The following MMP26 variants were observed in gnomAD, a reference collection of about 807,000 sequenced individuals.
The protein encoded by MMP26 is matrix metallopeptidase 26.
MMP26 carries 33 observed loss-of-function variants against 31.0 expected under a neutral mutation model. The ratio of observed to expected loss-of-function variants is 1.06; its 90% CI spans 0.81 to 1.42. The LOEUF (loss-of-function observed/expected upper bound fraction) is 1.42. Ranked by LOEUF, MMP26 falls within the 40% of genes most tolerant of loss-of-function variation. The pLI, the probability that MMP26 is intolerant of heterozygous loss-of-function variation, is 0.00. For missense variants in MMP26, 347 were observed against 316.1 expected (o/e 1.10, Z -0.74); for synonymous variants, 122 against 114.9 (o/e 1.06, Z -0.40).
intron 2 of MMP26, among the ~76,000 whole-genome samples, chr11:4,826,947 A>G (rs943536101): frequency 6.6e-6 from 1 of 152,042 alleles, no homozygotes; most frequent in African/African-American, 2.4e-5. Context: ...CTGAAAGTCT[A>G]CCTCATGAAT....
intron 2 of MMP26, among the ~76,000 whole-genome samples, chr11:4,771,979 G>A (rs536258409): frequency 7.2e-5 from 11 of 152,270 alleles, no homozygotes; most frequent in African/African-American, 1.7e-4. Flanking sequence ...CCAGCTTTAC[G>A]TGGAAAGAGG....
At chr11:4,985,144 G>A (rs546051171) in intron 2 of MMP26, among the ~76,000 whole-genome samples, 37 of 150,574 alleles carry the variant, frequency 2.5e-4, no homozygotes, top group Middle Eastern at 3.4e-3. Context: ...TAAGCAGCAT[G>A]CCTCATTTAA....
At chr11:4,940,127 T>C (rs536759245) in intron 2 of MMP26, among the ~76,000 whole-genome samples, 5 of 152,036 alleles carry the variant, frequency 3.3e-5, no homozygotes, top group Non-Finnish European at 7.4e-5. Context: ...TTTTGATTAA[T>C]GATCTATATA....
At chr11:4,803,622 A>G (rs766173061) in intron 2 of MMP26, 8 of 1,613,896 alleles carry the variant, frequency 5.0e-6, no homozygotes, top group Admixed American at 1.7e-5. Context: ...GGATATAAAG[A>G]GCCAAGATGA....
At chr11:4,726,974 C>T (rs1356239426) in intron 1 of MMP26, among the ~76,000 whole-genome samples, 2 of 152,104 alleles carry the variant, frequency 1.3e-5, no homozygotes, top group South Asian at 2.1e-4. Context: ...TATGATTATG[C>T]CATTGCACTC....
chr11:4,803,565 G>T (rs1849213686), intron 2 of MMP26: 1 of 1,613,848 alleles, frequency 6.2e-7, no homozygotes, highest in African/African-American at 1.3e-5. Flanking sequence ...GTACAACTCG[G>T]GGCACATCAT....
chr11:4,735,559 CAG>C (rs1848228895), intron 1 of MMP26, among the ~76,000 whole-genome samples: 1 of 152,130 alleles, frequency 6.6e-6, no homozygotes, highest in African/African-American at 2.4e-5. Flanking sequence ...CTCCTGTTGC[CAG>C]TATCTATATA....
chr11:4,908,758 A>G (rs1368831), intron 2 of MMP26: 19,845 of 163,530 alleles, frequency 0.12, 1,844 homozygotes, highest in East Asian at 0.56. Flanking sequence ...GATATTTTGG[A>G]TAAAATAAGT....
At chr11:4,915,491 C>G (rs60718970) in intron 2 of MMP26, 2 of 1,613,880 alleles carry the variant, frequency 1.2e-6, no homozygotes, top group African/African-American at 2.7e-5. Flanking sequence ...ATGAAGTGAG[C>G]GCTCTGTTTT....
intron 2 of MMP26, chr11:4,943,392 G>T: frequency 2.4e-6 from 1 of 416,392 alleles, no homozygotes; most frequent in South Asian, 1.8e-5. Context: ...TCTGGTATCA[G>T]ATTGCCCCTA....
At chr11:4,857,504 T>G (rs941108491) in intron 2 of MMP26, among the ~76,000 whole-genome samples, 2 of 151,844 alleles carry the variant, frequency 1.3e-5, no homozygotes, top group East Asian at 3.9e-4. Flanking sequence ...GGACACATAC[T>G]CTCTCCCAAG....
intron 2 of MMP26, chr11:4,947,269 TGG>T: frequency 2.6e-6 from 1 of 381,166 alleles, no homozygotes; most frequent in South Asian, 2.9e-5. Context: ...GAGAGATGGT[TGG>T]TTGCTGCTTT....
intron 2 of MMP26, chr11:4,769,927 GT>G: frequency 6.7e-7 from 1 of 1,481,490 alleles, no homozygotes; most frequent in Non-Finnish European, 9.4e-7. Flanking sequence ...TGGTGTCCTG[GT>G]TTTGCAGCAT....
At chr11:4,743,567 T>C (rs1848341661) in intron 1 of MMP26, among the ~76,000 whole-genome samples, 1 of 152,158 alleles carries the variant, frequency 6.6e-6, no homozygotes, top group Non-Finnish European at 1.5e-5. Flanking sequence ...GAAATTAATG[T>C]CTATTATTAC....
intron 2 of MMP26, chr11:4,848,036 C>T (rs1474392610): frequency 1.8e-6 from 1 of 571,210 alleles, no homozygotes; most frequent in Non-Finnish European, 3.1e-6. Context: ...TGTAATGTAC[C>T]AGTGGGTGGA....
intron 2 of MMP26, chr11:4,821,816 T>A (rs780796149): frequency 6.2e-7 from 1 of 1,611,462 alleles, no homozygotes; most frequent in Admixed American, 1.7e-5. Flanking sequence ...TGTTACCCAC[T>A]GAGATACACT....
intron 2 of MMP26, among the ~76,000 whole-genome samples, chr11:4,828,122 G>T (rs990097671): frequency 6.6e-6 from 1 of 152,090 alleles, no homozygotes; most frequent in Non-Finnish European, 1.5e-5. Context: ...ACATTTTTCT[G>T]AATGTGAAAA....
intron 2 of MMP26, chr11:4,913,889 A>G (rs1851030877): frequency 6.6e-6 from 1 of 152,148 alleles, no homozygotes; most frequent in African/African-American, 2.4e-5. Flanking sequence ...TTACTGTGTC[A>G]ACTCAGGGAA....
At chr11:4,987,434 T>G (rs1846919038) in intron 2 of MMP26, among the ~76,000 whole-genome samples, 1 of 151,964 alleles carries the variant, frequency 6.6e-6, no homozygotes, top group Non-Finnish European at 1.5e-5. Context: ...GTTTTTTGTT[T>G]TTGAGACGGA....
Sources: allele counts gnomAD v4.1 joint callset (sites outside exome capture counted in the v4.1 genomes callset), GRCh38; gene constraint gnomAD v4.1.1; transcripts MANE v1.5; gene names NCBI Gene and HGNC (gene_info 2026-07-23, HGNC 2026-07-21).